Variants in ROBO2 observed in about 807,000 individuals in gnomAD.
ROBO2 encodes the protein roundabout guidance receptor 2.
In ROBO2, 53 loss-of-function variants were observed where a neutral mutation model predicts 160.8. The observed-to-expected ratio is 0.33, with a 90% CI of 0.26 to 0.41. The LOEUF is 0.41. ROBO2 is among the 10% of genes least tolerant of loss of function. ROBO2 has a pLI of 1.00. For synonymous variants in ROBO2, 664 were observed against 611.7 expected, an observed-to-expected ratio of 1.09 and a Z score of -1.26; for missense variants, 1,577 against 1,722.4, an observed-to-expected ratio of 0.92 and a Z score of 1.49.
chr3:76,663,613 T>C (rs1163706201), intron 2 of ROBO2, among the ~76,000 whole-genome samples: 2 of 152,142 alleles, frequency 1.3e-5, no homozygotes, highest in East Asian at 3.9e-4. Flanking sequence ...GGAACAAATC[T>C]CCAGAGATGC....
chr3:76,301,960 G>C lies in ROBO2; in HGVS notation c.109+364358G>C, dbSNP rs907011733. On this transcript the variant is annotated intron_variant, in intron 2 of 26. Transcript: ENST00000487694. ...AGAGAACCTTTTAGATGCTTTTCTT[G>C]TAAATGGAGGCCATCCCTGATGAAG... Among the ~76,000 whole-genome samples the C allele has an allele frequency of 9.9e-5, 15 of 151,996 alleles. No homozygotes were observed. In the East Asian group the frequency reaches 2.9e-3, roughly 29 times the overall value.
chr3:76,872,567 G>A (rs1251658370), intron 2 of ROBO2, among the ~76,000 whole-genome samples: 1 of 151,810 alleles, frequency 6.6e-6, no homozygotes, highest in Non-Finnish European at 1.5e-5. Flanking sequence ...TCCAAAAAAG[G>A]TATAGAATTG....
intron 21 of ROBO2, among the ~76,000 whole-genome samples, 183 bp from the exon 23 acceptor site, chr3:77,617,330 A>T (rs2094802634): frequency 6.6e-6 from 1 of 152,240 alleles, no homozygotes. Flanking sequence ...AGATGTAATT[A>T]CAATTAGAAA....
intron 2 of ROBO2, among the ~76,000 whole-genome samples, chr3:76,147,131 A>T (rs1176606024): frequency 2.0e-5 from 3 of 151,926 alleles, no homozygotes; most frequent in Non-Finnish European, 4.4e-5. Flanking sequence ...AGTTAAAAAA[A>T]GGAAAAAAGA....
chr3:76,494,110 A>G (rs765387992), intron 2 of ROBO2, among the ~76,000 whole-genome samples: 8 of 152,188 alleles, frequency 5.3e-5, no homozygotes, highest in Non-Finnish European at 1.0e-4. Flanking sequence ...CGCCAACCAC[A>G]TTGGATAAAA....
chr3:77,301,282 A>C (rs2062635708), intron 2 of ROBO2, among the ~76,000 whole-genome samples: 1 of 152,066 alleles, frequency 6.6e-6, no homozygotes, highest in Admixed American at 6.6e-5. Flanking sequence ...CAATTTCCTA[A>C]TATTATTACT....
intron 2 of ROBO2, among the ~76,000 whole-genome samples, chr3:77,178,653 AC>A (rs940419721): frequency 6.6e-6 from 1 of 151,852 alleles, no homozygotes; most frequent in South Asian, 2.1e-4. Context: ...TAAATTTTAT[AC>A]CCCCCACAGT....
At chr3:76,107,129 G>A (rs2069974265) in intron 2 of ROBO2, among the ~76,000 whole-genome samples, 1 of 152,136 alleles carries the variant, frequency 6.6e-6, no homozygotes, top group East Asian at 1.9e-4. Context: ...ACAATAAAAT[G>A]AGAAGATGTT....
At chr3:77,088,599 A>T (rs2069679250) in intron 1 of ROBO2, among the ~76,000 whole-genome samples, 1 of 152,142 alleles carries the variant, frequency 6.6e-6, no homozygotes, top group African/African-American at 2.4e-5. Flanking sequence ...TATTTTTAAG[A>T]TACCTATCCA....
At chr3:76,249,914 T>G (rs1705882764) in intron 2 of ROBO2, among the ~76,000 whole-genome samples, 1 of 152,114 alleles carries the variant, frequency 6.6e-6, no homozygotes, top group Non-Finnish European at 1.5e-5. Context: ...TTAAATAATG[T>G]CAAACAGGTA....
chr3:76,683,830 T>A (rs1332340444), intron 2 of ROBO2, among the ~76,000 whole-genome samples: 1 of 152,088 alleles, frequency 6.6e-6, no homozygotes, highest in Non-Finnish European at 1.5e-5. Flanking sequence ...ACAAGGACAA[T>A]GCTGAATCGA....
At chr3:77,149,962 G>T (rs1282481573) in intron 2 of ROBO2, among the ~76,000 whole-genome samples, 1 of 152,032 alleles carries the variant, frequency 6.6e-6, no homozygotes, top group East Asian at 1.9e-4. Flanking sequence ...GATGAAAAAA[G>T]AAAGAGCAAA....
chr3:77,370,687 T>C (rs573151294), intron 2 of ROBO2, among the ~76,000 whole-genome samples: 1 of 152,350 alleles, frequency 6.6e-6, no homozygotes, highest in African/African-American at 2.4e-5. Context: ...CGGTTTTAAA[T>C]AACTGAATAA....
intron 2 of ROBO2, among the ~76,000 whole-genome samples, chr3:76,523,970 C>CTG (rs972817951): frequency 1.4e-4 from 19 of 132,054 alleles, no homozygotes; most frequent in East Asian, 1.2e-3. Flanking sequence ...AGTGAATATG[C>CTG]TGTGTGTGTG....
At chr3:76,855,262 A>G (rs898011935) in intron 2 of ROBO2, among the ~76,000 whole-genome samples, 1 of 152,158 alleles carries the variant, frequency 6.6e-6, no homozygotes, top group Non-Finnish European at 1.5e-5. Flanking sequence ...TTTAGGGCAA[A>G]ATAGTCCACT....
At chr3:77,017,985 T>C (rs1313584052) in intron 2 of ROBO2, among the ~76,000 whole-genome samples, 1 of 152,158 alleles carries the variant, frequency 6.6e-6, no homozygotes, top group Non-Finnish European at 1.5e-5. Context: ...AATTGGGTAA[T>C]AGAATGTGGA....
At chr3:76,906,006 C>A (rs953765133) in intron 2 of ROBO2, among the ~76,000 whole-genome samples, 1 of 152,074 alleles carries the variant, frequency 6.6e-6, no homozygotes, top group Non-Finnish European at 1.5e-5. Context: ...TAAAATCTTT[C>A]ATTTGTTTTT....
chr3:77,530,315 A>G (rs1165887836), intron 6 of ROBO2, among the ~76,000 whole-genome samples: 1 of 152,038 alleles, frequency 6.6e-6, no homozygotes, highest in Non-Finnish European at 1.5e-5. Context: ...TTAGAGATTC[A>G]GAAACCCTCA....
intron 2 of ROBO2, among the ~76,000 whole-genome samples, chr3:76,666,054 C>A (rs1294018040): frequency 7.1e-6 from 1 of 140,432 alleles, no homozygotes; most frequent in Non-Finnish European, 1.5e-5. Flanking sequence ...TAGATATATG[C>A]CTCTAAATAT....
Sources: gnomAD v4.1 joint callset for allele counts (sites outside exome capture counted in the v4.1 genomes callset) on GRCh38, gnomAD v4.1.1 for gene constraint, MANE v1.5 for transcripts, NCBI Gene and HGNC (gene_info 2026-07-23, HGNC 2026-07-21) for gene names.